TIMM21: variants seen among roughly 807,000 people sequenced by gnomAD.
The protein encoded by TIMM21 is translocase of inner mitochondrial membrane 21, also known as mitochondrial import inner membrane translocase subunit Tim21.
Under a neutral mutation model 27.7 loss-of-function variants are expected in TIMM21, and 30 were observed. That is an observed-to-expected ratio of 1.08 (90% CI 0.81 to 1.47). The LOEUF (loss-of-function observed/expected upper bound fraction) is 1.47, where lower values mean the gene tolerates loss of function less well. TIMM21 is among the 40% of genes most tolerant of loss of function. The pLI is 0.00. For missense variants in TIMM21, 292 were observed against 302.9 expected, an observed-to-expected ratio of 0.96 and a Z score of 0.27; for synonymous variants, 121 against 114.4, an observed-to-expected ratio of 1.06 and a Z score of -0.37.
At chr18:74,153,519 T>G (rs537679188) in intron 1 of TIMM21, among the ~76,000 whole-genome samples, 1 of 152,202 alleles carries the variant, frequency 6.6e-6, no homozygotes, top group African/African-American at 2.4e-5. Context: ...TATTGAAATG[T>G]ATTTTGTGAC....
rs1228155162 is a variant in TIMM21 at position 74,152,592 on chromosome 18, A to C, written c.302-2553A>C. On this transcript the variant is annotated intron_variant, in intron 1 of 5. Coordinates refer to ENST00000169551, the MANE Select transcript of TIMM21 (RefSeq NM_014177.3). The surrounding 1 kb of genome is among the most constrained non-coding windows in gnomAD (Gnocchi z 4.1). The stretch of plus-strand genomic sequence containing the variant: ...CATTGGTGAGAGCTGCATCAGCTGC[A>C]CTACAGCTCTATGACAGGTGCTGTC... 6.6e-6 allele frequency among the ~76,000 whole-genome samples: 1 copy of C among 152,184 alleles called. No individual in the cohort carries two copies. The highest frequency in any genetic ancestry group is 2.4e-5 in the African/African-American group (1 of 41,430).
chr18:74,153,171 G>A (rs552038807), intron 1 of TIMM21, among the ~76,000 whole-genome samples: 80 of 152,290 alleles, frequency 5.3e-4, no homozygotes, highest in African/African-American at 1.8e-3. Context: ...GGTCTGATAG[G>A]GTTCAGAAAG....
At chr18:74,151,636 C>T (rs567963123) in intron 1 of TIMM21, among the ~76,000 whole-genome samples, 42 of 152,182 alleles carry the variant, frequency 2.8e-4, no homozygotes, top group Non-Finnish European at 4.9e-4. Flanking sequence ...CTCCTAAGAA[C>T]ATAGTCAGCT....
chr18:74,148,552 A>T lies in TIMM21; in HGVS notation c.-257A>T, dbSNP rs1490828755. 3 of 352,100 alleles carry T rather than the reference A, an allele frequency of 8.5e-6. No homozygotes were observed. Among genetic ancestry groups the T allele is most frequent in the Non-Finnish European group, 1.6e-5 (3 of 192,418 alleles). The allele number at this position is 352,100 out of a possible 1,614,324, so 21.8% of individuals were successfully genotyped here. ...GACTTTGCGAAGGCATGGCGGGGACACTGTGAATGTCAGCCCAGAAGGTGA... is the reference window on the plus strand; with the variant it reads ...GACTTTGCGAAGGCATGGCGGGGACTCTGTGAATGTCAGCCCAGAAGGTGA... On this transcript the variant is annotated 5_prime_UTR_variant, in exon 1 of 6. Coordinates refer to ENST00000169551, the MANE Select transcript of TIMM21 (RefSeq NM_014177.3).
At position 74,152,596 on chromosome 18, in the gene TIMM21, C is replaced by G. The variant is rs1379637410; in HGVS notation, c.302-2549C>G. Among the ~76,000 whole-genome samples the G allele has an allele frequency of 1.3e-5, 2 of 152,214 alleles. No homozygotes were observed. Among genetic ancestry groups the G allele is most frequent in the African/African-American group, 2.4e-5 (1 of 41,442 alleles). On this transcript the variant is annotated intron_variant, in intron 1 of 5. Transcript: ENST00000169551. This position sits in a 1 kb window ranked among gnomAD's most constrained non-coding sequence, Gnocchi z 4.1. ...GGTGAGAGCTGCATCAGCTGCACTA[C>G]AGCTCTATGACAGGTGCTGTCAGTA...
At chr18:74,150,600 C>T (rs1428620380) in intron 1 of TIMM21, among the ~76,000 whole-genome samples, 2 of 152,186 alleles carry the variant, frequency 1.3e-5, no homozygotes, top group African/African-American at 2.4e-5. Context: ...ACTGCTGCTG[C>T]TTCTGAATAG....
At chr18:74,156,956 G>A (rs1282264908) in intron 3 of TIMM21, 2 of 152,032 alleles carry the variant, frequency 1.3e-5, no homozygotes, top group African/African-American at 4.8e-5. Flanking sequence ...TGTTCTATTT[G>A]TTTGTGCTAT....
intron 1 of TIMM21, among the ~76,000 whole-genome samples, chr18:74,151,760 ACC>A (rs1298594950): frequency 6.6e-6 from 1 of 152,066 alleles, no homozygotes; most frequent in Non-Finnish European, 1.5e-5. Flanking sequence ...CTTAATGTGG[ACC>A]ATCACTGTCT....
chr18:74,149,248 A>G, intron 1 of TIMM21, 139 bp downstream of exon 1: 1 of 926,320 alleles, frequency 1.1e-6, no homozygotes, highest in South Asian at 1.8e-5. Flanking sequence ...ATAATTTAGA[A>G]CTAGAACATA....
Position 74,148,844 on chromosome 18 carries a change from G to T in TIMM21, c.36G>T (p.Thr12=). The change falls in exon 1 of 6, where the codon ACG becomes ACT. Residue 12 remains threonine, a synonymous_variant. Coordinates refer to ENST00000169551, the MANE Select transcript of TIMM21 (RefSeq NM_014177.3). The part of the protein sequence containing the change: ...ICTFLRAVQY[T]EKLHRSSAKR... ...CTTTTCTACGAGCCGTACAGTATACGGAGAAGCTGCACAGGTCCTCGGCAA... is the reference window on the plus strand; with the variant it reads ...CTTTTCTACGAGCCGTACAGTATACTGAGAAGCTGCACAGGTCCTCGGCAA... 1.9e-6 allele frequency: 3 copies of T among 1,613,856 alleles called. No homozygotes were observed. Among genetic ancestry groups the T allele is most frequent in the Non-Finnish European group, 2.5e-6 (3 of 1,179,766 alleles).
chr18:74,150,227 A>G (rs1979765758), intron 1 of TIMM21, among the ~76,000 whole-genome samples: 1 of 152,172 alleles, frequency 6.6e-6, no homozygotes, highest in Non-Finnish European at 1.5e-5. Flanking sequence ...TGGCATAAAT[A>G]TAGTAGACAA....
At position 74,152,242 on chromosome 18, in the gene TIMM21, C is replaced by A. The variant is rs573056047; in HGVS notation, c.302-2903C>A. On this transcript the variant is annotated intron_variant, in intron 1 of 5. Coordinates refer to ENST00000169551, the MANE Select transcript of TIMM21 (RefSeq NM_014177.3). This position sits in a 1 kb window ranked among gnomAD's most constrained non-coding sequence, Gnocchi z 4.1. ...TACCCAGCTTTAGGTTGCCTTTCCT[C>A]CCAAATCAGGACCCTGACCTTGGTG... Among the ~76,000 whole-genome samples the A allele has an allele frequency of 5.3e-5, 8 of 152,244 alleles. No individual in the cohort carries two copies. The highest frequency in any genetic ancestry group is 1.9e-4 in the African/African-American group (8 of 41,542).
rs1980038550 is a variant in TIMM21, at chr18:74,159,183, A to T, written c.*703A>T. On this transcript the variant is annotated 3_prime_UTR_variant, in exon 6 of 6. Coordinates refer to ENST00000169551, the MANE Select transcript of TIMM21 (RefSeq NM_014177.3). ...TAGAAGGCAGCCATGAAGTGCCCTC[A>T]TCCCCTTTAGAACTTACTTGCACTG... 6.6e-6 allele frequency: 1 copy of T among 151,634 alleles called. No individual in the cohort carries two copies. Among genetic ancestry groups the T allele is most frequent in the Admixed American group, 6.6e-5 (1 of 15,194 alleles). 9.4% of individuals were successfully genotyped at this position (151,634 alleles called of 1,614,324 possible). A position where few individuals can be genotyped will look rare whatever the true frequency, so the allele number is the denominator to read the frequency against.
intron 3 of TIMM21, chr18:74,157,107 A>AT (rs1472385142): frequency 6.6e-6 from 1 of 152,144 alleles, no homozygotes; most frequent in South Asian, 2.1e-4. Flanking sequence ...TCAAATTTAT[A>AT]TTTTTTAGAG....
intron 1 of TIMM21, among the ~76,000 whole-genome samples, chr18:74,150,088 G>A (rs1979759580): frequency 1.3e-5 from 2 of 152,176 alleles, no homozygotes; most frequent in South Asian, 4.1e-4. Context: ...CCCCAGTGTA[G>A]CCCCACGAGG....
rs1427390929 is a variant in TIMM21 at position 74,160,073 on chromosome 18, CTT to C, written c.*1595_*1596del. 6.6e-6 allele frequency: 1 copy of C among 152,070 alleles called. No homozygotes were observed. Among genetic ancestry groups the C allele is most frequent in the East Asian group, 1.9e-4 (1 of 5,182 alleles). The allele number at this position is 152,070 out of a possible 1,614,324, so 9.4% of individuals were successfully genotyped here. ...GTGGCTCATGCCTATAATCCCAGCA[CTT>C]TGGGAGGCTGAGGCAGGTCAATCAC... On this transcript the variant is annotated 3_prime_UTR_variant, in exon 6 of 6. Coordinates refer to ENST00000169551, the MANE Select transcript of TIMM21 (RefSeq NM_014177.3).
intron 4 of TIMM21, 34 bp from the exon 5 acceptor site, chr18:74,158,137 A>G: frequency 1.9e-6 from 3 of 1,613,986 alleles, no homozygotes; most frequent in Non-Finnish European, 2.5e-6. Flanking sequence ...TTTAAATGAA[A>G]GGAACTTAGA....
At chr18:74,150,253 G>GA (rs1206502565) in intron 1 of TIMM21, among the ~76,000 whole-genome samples, 1 of 152,158 alleles carries the variant, frequency 6.6e-6, no homozygotes, top group African/African-American at 2.4e-5. Context: ...ATATTCTCCT[G>GA]AATGTCCAGA....
At position 74,156,223 on chromosome 18, in the gene TIMM21, A is replaced by G. The variant is rs1191887510; in HGVS notation, c.462+820A>G. The G allele has an allele frequency of 4.0e-5, 16 of 398,642 alleles. No homozygotes were observed. The East Asian group carries it at 5.7e-4, about 14-fold the overall frequency. The allele number at this position is 398,642 out of a possible 1,614,324, so 24.7% of individuals were successfully genotyped here. ...CAGCAGGTAATCGTCTGCCATTATC[A>G]TCATAAATATTAGGGCTGTTCTTCA... On this transcript the variant is annotated intron_variant, in intron 3 of 5. Coordinates refer to ENST00000169551, the MANE Select transcript of TIMM21 (RefSeq NM_014177.3).
Sources: allele counts gnomAD v4.1 joint callset (sites outside exome capture counted in the v4.1 genomes callset), GRCh38; gene constraint gnomAD v4.1.1; non-coding constraint Gnocchi (gnomAD v3.1); transcripts MANE v1.5; gene names NCBI Gene and HGNC (gene_info 2026-07-23, HGNC 2026-07-21).